CBLB: variants seen among roughly 807,000 people sequenced by gnomAD.
CBLB encodes the protein Cbl proto-oncogene B.
A neutral mutation model predicts 104.9 loss-of-function variants in CBLB; 31 were observed. The observed-to-expected ratio is 0.30, with a 90% CI of 0.22 to 0.40. The LOEUF is 0.40. Ranked by LOEUF, CBLB falls within the 10% of genes least tolerant of loss-of-function variation. The pLI, the probability that CBLB is intolerant of heterozygous loss-of-function variation, is 1.00. For missense variants in CBLB, 1,062 were observed against 1,214.6 expected, an observed-to-expected ratio of 0.87 and a Z score of 1.87; for synonymous variants, 440 against 422.6, an observed-to-expected ratio of 1.04 and a Z score of -0.51.
At position 105,685,221 on chromosome 3, in the gene CBLB, G is replaced by A. The variant is rs1456899273; in HGVS notation, c.2201+99C>T. ...GAGAAGGATTTGAGCTGGAAATTAAGGATTTTTAATTAGACGTGAATCAAT... is the reference window on the plus strand; with the variant it reads ...GAGAAGGATTTGAGCTGGAAATTAAAGATTTTTAATTAGACGTGAATCAAT... On this transcript the variant is annotated intron_variant, in intron 14 of 18. Transcript: ENST00000394030. 1.1e-5 allele frequency: 12 copies of A among 1,060,424 alleles called. No individual in the cohort carries two copies. The Admixed American group carries it at 1.4e-4, about 12-fold the overall frequency. 65.7% of individuals were successfully genotyped at this position (1,060,424 alleles called of 1,614,324 possible). A position where few individuals can be genotyped will look rare whatever the true frequency, so the allele number is the denominator to read the frequency against.
At chr3:105,806,872 A>C (rs2083572579) in intron 3 of CBLB, among the ~76,000 whole-genome samples, 1 of 152,220 alleles carries the variant, frequency 6.6e-6, no homozygotes, top group African/African-American at 2.4e-5. Flanking sequence ...GATTTGTGTA[A>C]AACATTCATT....
chr3:105,778,029 T>C (rs2079689107), intron 3 of CBLB, among the ~76,000 whole-genome samples: 1 of 152,192 alleles, frequency 6.6e-6, no homozygotes, highest in Non-Finnish European at 1.5e-5. Flanking sequence ...CAGAAATCAA[T>C]AGGTACATTC....
At chr3:105,758,394 T>C (rs966216796) in intron 4 of CBLB, among the ~76,000 whole-genome samples, 3 of 152,218 alleles carry the variant, frequency 2.0e-5, no homozygotes, top group African/African-American at 7.2e-5. Flanking sequence ...TTTTTATTTG[T>C]CAAAAAGCTC....
chr3:105,740,038 G>A (rs1214408905), intron 7 of CBLB, among the ~76,000 whole-genome samples: 1 of 152,208 alleles, frequency 6.6e-6, no homozygotes, highest in Non-Finnish European at 1.5e-5. Context: ...AGGAGGCGGA[G>A]GTTGCAGTGA....
intron 13 of CBLB, among the ~76,000 whole-genome samples, chr3:105,687,553 A>C (rs1307296433): frequency 6.6e-6 from 1 of 152,052 alleles, no homozygotes; most frequent in South Asian, 2.1e-4. Flanking sequence ...GATTTTAGAG[A>C]ATTATATCTA....
At chr3:105,864,101 A>T (rs1024506117) in intron 2 of CBLB, among the ~76,000 whole-genome samples, 5 of 152,220 alleles carry the variant, frequency 3.3e-5, no homozygotes, top group African/African-American at 1.2e-4. Context: ...GGCAATGGCC[A>T]GCAGAATCCA....
At chr3:105,769,129 C>T (rs912012654) in intron 4 of CBLB, among the ~76,000 whole-genome samples, 3 of 151,902 alleles carry the variant, frequency 2.0e-5, no homozygotes, top group Non-Finnish European at 4.4e-5. Flanking sequence ...GCCTGGCCAA[C>T]ATGGAGAAAC....
chr3:105,757,724 G>A (rs767802484), intron 4 of CBLB, among the ~76,000 whole-genome samples: 1 of 152,084 alleles, frequency 6.6e-6, no homozygotes, highest in Admixed American at 6.6e-5. Context: ...TACAAACAAG[G>A]AAATCAACAT....
In CBLB at chr3:105,838,667, CTT is replaced by C. The variant is rs58426302; in HGVS notation, c.419+14745_419+14746del. Among the ~76,000 whole-genome samples, 321 of 137,322 alleles carry C rather than the reference CTT, an allele frequency of 2.3e-3. 1 individual carries two copies. The highest frequency in any genetic ancestry group is 6.2e-3 in the African/African-American group (230 of 37,104). 90.1% of individuals were successfully genotyped at this position (137,322 alleles called of 152,430 possible). A position where few individuals can be genotyped will look rare whatever the true frequency, so the allele number is the denominator to read the frequency against. On this transcript the variant is annotated intron_variant, in intron 3 of 18. Coordinates refer to ENST00000394030, the MANE Select transcript of CBLB (RefSeq NM_170662.5). ...AAAAACCTTACAGAAATGTATCCTTCTTTTTTTTTTTTTTTTTCTGTCGCCAG... is the reference window on the plus strand; with the variant it reads ...AAAAACCTTACAGAAATGTATCCTTCTTTTTTTTTTTTTTTCTGTCGCCAG...
intron 13 of CBLB, among the ~76,000 whole-genome samples, chr3:105,692,044 A>C (rs558907442): frequency 1.3e-5 from 2 of 152,320 alleles, no homozygotes; most frequent in Non-Finnish European, 2.9e-5. Flanking sequence ...TCTAAAGTAG[A>C]CTGTAAATTT....
rs73854393 is a variant in CBLB, at chr3:105,731,955, A to G, written c.1203+2054T>C. ...GCCCCAAGAAAAATGGCTGAAATAC[A>G]CAAGCCCTGCATGGAGGCAGAGTGT... On this transcript the variant is annotated intron_variant, in intron 9 of 18. Transcript: ENST00000394030. 6.4e-3 allele frequency among the ~76,000 whole-genome samples: 980 copies of G among 152,326 alleles called. 12 individuals are homozygous for G. Among genetic ancestry groups the G allele is most frequent in the African/African-American group, 0.023 (940 of 41,574 alleles).
intron 2 of CBLB, among the ~76,000 whole-genome samples, chr3:105,861,569 C>T (rs974161665): frequency 6.6e-6 from 1 of 151,696 alleles, no homozygotes; most frequent in Non-Finnish European, 1.5e-5. Flanking sequence ...AATGCTACTG[C>T]TTCAACTATT....
intron 4 of CBLB, among the ~76,000 whole-genome samples, chr3:105,761,667 C>T (rs188641313): frequency 6.6e-6 from 1 of 152,260 alleles, no homozygotes; most frequent in East Asian, 1.9e-4. Flanking sequence ...TTATAAATTA[C>T]CCAATTTTGA....
chr3:105,803,706 G>A (rs975307372), intron 3 of CBLB, among the ~76,000 whole-genome samples: 1 of 152,100 alleles, frequency 6.6e-6, no homozygotes, highest in African/African-American at 2.4e-5. Context: ...AAATAATTTG[G>A]AAGTTGATTA....
chr3:105,667,846 C>T lies in CBLB; in HGVS notation c.2689+2387G>A, dbSNP rs548342867. 4.6e-5 allele frequency among the ~76,000 whole-genome samples: 7 copies of T among 152,244 alleles called. No homozygotes were observed. The South Asian group carries it at 1.2e-3, about 27-fold the overall frequency. On this transcript the variant is annotated intron_variant, in intron 18 of 18. Coordinates refer to ENST00000394030, the MANE Select transcript of CBLB (RefSeq NM_170662.5). The stretch of plus-strand genomic sequence containing the variant: ...ATAAGGCAGAGCAATCATACCAGAA[C>T]CCCATTTGGTCATCTTAAAAAGGCC...
chr3:105,799,456 G>C (rs934819499), intron 3 of CBLB, among the ~76,000 whole-genome samples: 3 of 152,100 alleles, frequency 2.0e-5, no homozygotes, highest in African/African-American at 4.8e-5. Flanking sequence ...GTGTGTTTCA[G>C]TGCCTTTCAT....
At position 105,867,515 on chromosome 3, in the gene CBLB, T is replaced by C; in HGVS notation, c.63A>G (p.Arg21=). ...GAATAGCATCAATAATACCCAAAAT[T>C]CGACCTTTTCGGGGATTTCCTCCTC... ...GGRGGNPRKG[R]ILGIIDAIQD... is the part of the protein sequence containing the mutation. The change falls in exon 2 of 19, where the codon CGA becomes CGG. Residue 21 remains arginine (R), a synonymous_variant. Coordinates refer to ENST00000394030, the MANE Select transcript of CBLB (RefSeq NM_170662.5). 1 of 1,614,140 alleles carries C rather than the reference T, an allele frequency of 6.2e-7. No individual in the cohort carries two copies. Among genetic ancestry groups the C allele is most frequent in the South Asian group, 1.1e-5 (1 of 91,080 alleles).
chr3:105,780,660 G>GTTTTTTTTTTTTTTTTTT (rs58640968), intron 3 of CBLB, among the ~76,000 whole-genome samples: 3 of 94,016 alleles, frequency 3.2e-5, no homozygotes, highest in African/African-American at 8.7e-5. Context: ...TTTGTTTTTT[G>GTTTTTTTTTTTTTTTTTT]TTTTTTTTTT....
At chr3:105,718,507 A>C (rs983412278) in intron 10 of CBLB, among the ~76,000 whole-genome samples, 3 of 152,204 alleles carry the variant, frequency 2.0e-5, no homozygotes, top group Admixed American at 2.0e-4. Flanking sequence ...AAGTAACCCA[A>C]AGAAATGCCT....
Sources: gnomAD v4.1 joint callset for allele counts (sites outside exome capture counted in the v4.1 genomes callset) on GRCh38, gnomAD v4.1.1 for gene constraint, MANE v1.5 for transcripts, NCBI Gene and HGNC (gene_info 2026-07-23, HGNC 2026-07-21) for gene names.